Variants in FSTL4 observed in about 807,000 individuals in gnomAD.
FSTL4 encodes follistatin-related protein 4.
In FSTL4, 28 loss-of-function variants were observed where a neutral mutation model predicts 78.2. The ratio of observed to expected loss-of-function variants is 0.36; its 90% confidence interval spans 0.27 to 0.49. The LOEUF (loss-of-function observed/expected upper bound fraction) is 0.49, where lower values mean the gene tolerates loss of function less well. Among genes scored for constraint, FSTL4 ranks in the 20% least tolerant of loss-of-function variants. The probability of loss-of-function intolerance (pLI) is 0.98; values close to 1 mark genes in which losing one functional copy is unlikely to be tolerated. For synonymous variants in FSTL4, 422 were observed against 440.5 expected (o/e 0.96, Z 0.53); for missense variants, 922 against 1,084.9 (o/e 0.85, Z 2.11).
intron 3 of FSTL4, among the ~76,000 whole-genome samples, chr5:133,459,766 G>A (rs1206851137): frequency 2.7e-5 from 4 of 149,624 alleles, no homozygotes; most frequent in African/African-American, 7.3e-5. Context: ...GCTTTGGGAA[G>A]TGAAATGCTG....
chr5:133,293,680 AG>A (rs570740173), intron 6 of FSTL4, among the ~76,000 whole-genome samples: 1 of 152,184 alleles, frequency 6.6e-6, no homozygotes, highest in Non-Finnish European at 1.5e-5. Flanking sequence ...GGCCAGATGC[AG>A]CATCCAGTAA....
the FSTL4 span, among the ~76,000 whole-genome samples, chr5:133,655,541 T>A: frequency 6.6e-6 from 1 of 152,210 alleles, no homozygotes; most frequent in Non-Finnish European, 1.5e-5. Flanking sequence ...AAATGTCTCT[T>A]GAGTATCTCC....
At chr5:133,287,176 C>T (rs1313286260) in intron 6 of FSTL4, among the ~76,000 whole-genome samples, 1 of 152,090 alleles carries the variant, frequency 6.6e-6, no homozygotes, top group Non-Finnish European at 1.5e-5. Context: ...ATCACAAGGT[C>T]AGGAGATCGA....
chr5:133,494,252 G>T (rs539664714), intron 3 of FSTL4, among the ~76,000 whole-genome samples: 29 of 152,210 alleles, frequency 1.9e-4, no homozygotes, highest in African/African-American at 7.0e-4. Context: ...CCTGGAATCT[G>T]GGATGATAGA....
At chr5:133,654,904 A>G in the FSTL4 span, among the ~76,000 whole-genome samples, 1 of 152,160 alleles carries the variant, frequency 6.6e-6, no homozygotes, top group African/African-American at 2.4e-5. Flanking sequence ...CTCCTTGGAC[A>G]TAAGTTGGTG....
chr5:133,419,918 G>T (rs936061316), intron 3 of FSTL4, among the ~76,000 whole-genome samples: 2 of 152,162 alleles, frequency 1.3e-5, no homozygotes, highest in African/African-American at 2.4e-5. Flanking sequence ...ATATCCAAGA[G>T]AAATGAAAGA....
intron 6 of FSTL4, among the ~76,000 whole-genome samples, chr5:133,250,939 C>T (rs1031430486): frequency 2.6e-5 from 4 of 152,154 alleles, no homozygotes; most frequent in East Asian, 1.9e-4. Context: ...GCCAATAGGC[C>T]GGTGGGGAGG....
the FSTL4 span, among the ~76,000 whole-genome samples, chr5:133,706,417 A>C: frequency 6.6e-6 from 1 of 152,236 alleles, no homozygotes; most frequent in South Asian, 2.1e-4. Context: ...TAAACATCTT[A>C]GTTAAAAGAA....
the FSTL4 span, among the ~76,000 whole-genome samples, chr5:133,638,522 T>C: frequency 6.6e-6 from 1 of 152,140 alleles, no homozygotes; most frequent in East Asian, 1.9e-4. Context: ...CCAGGCATGC[T>C]CCTGCCTAAG....
chr5:133,578,617 T>C (rs115147725), intron 2 of FSTL4, among the ~76,000 whole-genome samples: 2,056 of 152,340 alleles, frequency 0.013, 40 homozygotes, highest in African/African-American at 0.047. Context: ...ATTAAGATGA[T>C]TTGGAAATAT....
chr5:133,537,989 G>A (rs866322250), intron 3 of FSTL4, among the ~76,000 whole-genome samples: 12 of 152,106 alleles, frequency 7.9e-5, no homozygotes, highest in Middle Eastern at 3.4e-3. Context: ...ATCCTAAAGC[G>A]TATATTTCCT....
At chr5:133,254,773 G>A (rs1752343383) in intron 6 of FSTL4, among the ~76,000 whole-genome samples, 1 of 152,224 alleles carries the variant, frequency 6.6e-6, no homozygotes, top group South Asian at 2.1e-4. Context: ...GGGAGGAGAT[G>A]TGGCCCAACT....
the FSTL4 span, among the ~76,000 whole-genome samples, chr5:133,824,287 C>T: frequency 2.6e-4 from 40 of 152,326 alleles, no homozygotes; most frequent in African/African-American, 9.4e-4. Flanking sequence ...AATGAGGGTT[C>T]CCACAGCCCC....
At chr5:133,276,155 G>A (rs1407592012) in intron 6 of FSTL4, among the ~76,000 whole-genome samples, 4 of 152,176 alleles carry the variant, frequency 2.6e-5, no homozygotes, top group Non-Finnish European at 4.4e-5. Flanking sequence ...CCTCTAAGTG[G>A]GGTCTGCACC....
the FSTL4 span, among the ~76,000 whole-genome samples, chr5:133,832,231 G>A: frequency 6.6e-6 from 1 of 152,196 alleles, no homozygotes; most frequent in East Asian, 1.9e-4. Flanking sequence ...TACTCTAAAG[G>A]AAGCTGTGAA....
intron 3 of FSTL4, among the ~76,000 whole-genome samples, chr5:133,408,872 C>T (rs12521107): frequency 2.0e-5 from 3 of 152,146 alleles, no homozygotes; most frequent in Admixed American, 2.0e-4. Flanking sequence ...TCAATTCGGA[C>T]ACTGAATTGG....
At chr5:133,264,883 G>A (rs1752609430) in intron 6 of FSTL4, among the ~76,000 whole-genome samples, 1 of 152,172 alleles carries the variant, frequency 6.6e-6, no homozygotes, top group African/African-American at 2.4e-5. Context: ...CAGCACTGAT[G>A]TGGGGCTTGC....
At chr5:133,331,610 G>A (rs933614178) in intron 4 of FSTL4, among the ~76,000 whole-genome samples, 7 of 152,164 alleles carry the variant, frequency 4.6e-5, no homozygotes, top group African/African-American at 1.7e-4. Flanking sequence ...CATGAGCTTG[G>A]CAGGAAATGG....
chr5:133,252,100 G>A (rs1164891103), intron 6 of FSTL4: 1 of 152,264 alleles, frequency 6.6e-6, no homozygotes, highest in Non-Finnish European at 1.5e-5. Context: ...GAGACACAGA[G>A]CAGTTTTTAG....
Sources: gnomAD v4.1 joint callset for allele counts (sites outside exome capture counted in the v4.1 genomes callset) on GRCh38, gnomAD v4.1.1 for gene constraint, MANE v1.5 for transcripts, NCBI Gene and HGNC (gene_info 2026-07-23, HGNC 2026-07-21) for gene names.